The following SLC24A3 variants were observed in gnomAD, a reference collection of about 807,000 sequenced individuals.
The protein encoded by SLC24A3 is solute carrier family 24 member 3, also known as sodium/potassium/calcium exchanger 3.
A neutral mutation model predicts 75.8 loss-of-function variants in SLC24A3; 28 were observed. The ratio of observed to expected loss-of-function variants is 0.37; its 90% CI spans 0.27 to 0.51. The LOEUF is 0.51. SLC24A3 is among the 20% of genes least tolerant of loss of function. The pLI is 0.94. For synonymous variants in SLC24A3, 372 were observed against 334.1 expected, an observed-to-expected ratio of 1.11 and a Z score of -1.24; for missense variants, 663 against 847.8, an observed-to-expected ratio of 0.78 and a Z score of 2.71.
chr20:19,264,865 C>G (rs1178234931), intron 1 of SLC24A3, among the ~76,000 whole-genome samples: 2 of 152,158 alleles, frequency 1.3e-5, no homozygotes, highest in Non-Finnish European at 2.9e-5. Context: ...GAAGCATTCT[C>G]AATGCATGTC....
chr20:19,560,297 G>A (rs1178318956), intron 3 of SLC24A3, among the ~76,000 whole-genome samples: 1 of 152,242 alleles, frequency 6.6e-6, no homozygotes, highest in Admixed American at 6.5e-5. Context: ...CAAGGAGGGT[G>A]GAGAAGACCA....
At chr20:19,628,202 CAAA>C (rs776701707) in intron 6 of SLC24A3, among the ~76,000 whole-genome samples, 59 of 51,806 alleles carry the variant, frequency 1.1e-3, no homozygotes, top group African/African-American at 3.1e-3. Flanking sequence ...GACTCCATCT[CAAA>C]AAAAAAAAAA....
chr20:19,639,652 T>C lies in SLC24A3; in HGVS notation c.613-14410T>C, dbSNP rs537248486. On this transcript the variant is annotated intron_variant, in intron 6 of 16. Coordinates refer to ENST00000328041, the MANE Select transcript of SLC24A3 (RefSeq NM_020689.4). ...GCCGCACTCCTCAGCCCTTGGGTGG[T>C]CGATGGGACTGGGTGCCGAGGAGCA... 7.7e-4 allele frequency among the ~76,000 whole-genome samples: 118 copies of C among 152,268 alleles called. 1 individual carries two copies. Among genetic ancestry groups the C allele is most frequent in the African/African-American group, 2.7e-3 (111 of 41,568 alleles).
intron 6 of SLC24A3, among the ~76,000 whole-genome samples, chr20:19,586,226 G>A (rs2031293819): frequency 6.6e-6 from 1 of 152,184 alleles, no homozygotes; most frequent in African/African-American, 2.4e-5. Context: ...CACTGCAGCA[G>A]CACCTGGAGG....
At chr20:19,404,512 A>G (rs988084712) in intron 2 of SLC24A3, among the ~76,000 whole-genome samples, 4 of 152,212 alleles carry the variant, frequency 2.6e-5, no homozygotes, top group Admixed American at 2.6e-4. Flanking sequence ...CTGGAGCCTA[A>G]CGGGTCTAGT....
chr20:19,557,738 T>C (rs2030812661), intron 3 of SLC24A3, among the ~76,000 whole-genome samples: 1 of 152,236 alleles, frequency 6.6e-6, no homozygotes, highest in African/African-American at 2.4e-5. Flanking sequence ...TGGGCAAATA[T>C]GTCCCAATTG....
At chr20:19,220,994 GT>G (rs1232539145) in intron 1 of SLC24A3, among the ~76,000 whole-genome samples, 1 of 152,182 alleles carries the variant, frequency 6.6e-6, no homozygotes, top group Non-Finnish European at 1.5e-5. Context: ...GAATATATGT[GT>G]TTTTCTGCTT....
At position 19,685,285 on chromosome 20, in the gene SLC24A3, G is replaced by A; in HGVS notation, c.1248G>A (p.Glu416=). The A allele has an allele frequency of 6.2e-7, 1 of 1,614,080 alleles. No individual in the cohort carries two copies. The highest frequency in any genetic ancestry group is 1.1e-5 in the South Asian group (1 of 91,052). ...EAGNETENEN[E]DNENDEEEEE... is the part of the protein sequence containing the mutation. The stretch of plus-strand genomic sequence containing the variant: ...GCAACGAAACAGAGAATGAAAATGA[G>A]GACAATGAGAATGATGAGGAGGAAG... Residue 416 remains glutamate, a synonymous_variant, in exon 12 of 17, where the codon GAG becomes GAA. Transcript: ENST00000328041.
chr20:19,317,659 T>C (rs1984615940), intron 2 of SLC24A3, among the ~76,000 whole-genome samples: 1 of 152,196 alleles, frequency 6.6e-6, no homozygotes, highest in Non-Finnish European at 1.5e-5. Context: ...TGAGTTGCTG[T>C]AGACAGGTAC....
At chr20:19,345,680 T>G (rs1365971369) in intron 2 of SLC24A3, among the ~76,000 whole-genome samples, 1 of 152,120 alleles carries the variant, frequency 6.6e-6, no homozygotes, top group Non-Finnish European at 1.5e-5. Flanking sequence ...AACAAGCATT[T>G]GGAAAAATGC....
chr20:19,400,873 A>G (rs1170682490), intron 2 of SLC24A3, among the ~76,000 whole-genome samples: 1 of 152,026 alleles, frequency 6.6e-6, no homozygotes, highest in Non-Finnish European at 1.5e-5. Context: ...AAACTGTTTT[A>G]TATATTTTGC....
intron 9 of SLC24A3, among the ~76,000 whole-genome samples, chr20:19,678,961 C>G (rs940078261): frequency 2.0e-5 from 3 of 151,460 alleles, no homozygotes; most frequent in Non-Finnish European, 4.4e-5. Flanking sequence ...CGGGCAGAGA[C>G]GCTCCTCACT....
chr20:19,339,558 G>T (rs1362734521), intron 2 of SLC24A3, among the ~76,000 whole-genome samples: 1 of 152,218 alleles, frequency 6.6e-6, no homozygotes, highest in African/African-American at 2.4e-5. Context: ...AACAGAAATT[G>T]TTAAGTAAAT....
chr20:19,432,307 T>TAA (rs1161633696), intron 2 of SLC24A3, among the ~76,000 whole-genome samples: 1 of 148,306 alleles, frequency 6.7e-6, no homozygotes, highest in Non-Finnish European at 1.5e-5. Context: ...TATATATATA[T>TAA]AATCTTAATA....
At chr20:19,546,626 G>T (rs114164259) in intron 3 of SLC24A3, among the ~76,000 whole-genome samples, 1 of 152,156 alleles carries the variant, frequency 6.6e-6, no homozygotes, top group Non-Finnish European at 1.5e-5. Context: ...GAGGGGAAAG[G>T]GGGTGGGGGG....
chr20:19,490,698 C>A (rs1568633036), intron 2 of SLC24A3, among the ~76,000 whole-genome samples: 1 of 152,210 alleles, frequency 6.6e-6, no homozygotes, highest in African/African-American at 2.4e-5. Flanking sequence ...TAGTTCCACA[C>A]CTCAGACCCA....
Position 19,517,191 on chromosome 20 carries a change from C to G in SLC24A3, c.348+1627C>G, listed in dbSNP as rs371234089. Among the ~76,000 whole-genome samples the G allele has an allele frequency of 6.6e-5, 10 of 152,316 alleles. 2 individuals carry two copies. ...TTCGGCACCAAGGAGGCTACCCTGT[C>G]GCAAGGCTGAGGAGCTCCAGGCACT... On this transcript the variant is annotated intron_variant, in intron 3 of 16. Transcript: ENST00000328041.
chr20:19,594,242 C>T (rs1280128753), intron 6 of SLC24A3, among the ~76,000 whole-genome samples: 2 of 122,546 alleles, frequency 1.6e-5, no homozygotes, highest in Admixed American at 7.8e-5. Context: ...CCTGGTCTTC[C>T]CTCCTATCAA....
intron 2 of SLC24A3, among the ~76,000 whole-genome samples, chr20:19,393,593 A>G (rs374390575): frequency 6.6e-6 from 1 of 152,164 alleles, no homozygotes; most frequent in Non-Finnish European, 1.5e-5. Flanking sequence ...CAAGAAAACA[A>G]TTTTATTTAT....
Sources: gnomAD v4.1 joint callset for allele counts (sites outside exome capture counted in the v4.1 genomes callset) on GRCh38, gnomAD v4.1.1 for gene constraint, MANE v1.5 for transcripts, NCBI Gene and HGNC (gene_info 2026-07-23, HGNC 2026-07-21) for gene names.